The following ZNF444 variants were observed in gnomAD, a reference collection of about 807,000 sequenced individuals.
ZNF444 encodes zinc finger protein 444, also known as endothelial zinc finger protein 2.
In ZNF444, 8 loss-of-function variants were observed where a neutral mutation model predicts 14.4. The observed-to-expected ratio is 0.56, with a 90% CI of 0.33 to 1.00. The LOEUF is 1.00. Ranked by LOEUF, ZNF444 falls within the 50% of genes least tolerant of loss-of-function variation. The probability of loss-of-function intolerance (pLI) is 0.03; values close to 1 mark genes in which losing one functional copy is unlikely to be tolerated. For synonymous variants in ZNF444, 258 were observed against 235.9 expected (o/e 1.09, Z -0.86); for missense variants, 510 against 504.8 (o/e 1.01, Z -0.10).
At chr19:56,139,341 T>C (rs112572899), upstream of ZNF444, among the ~76,000 whole-genome samples, 1 of 152,058 alleles carries the variant, frequency 6.6e-6, no homozygotes, top group Non-Finnish European at 1.5e-5. Context: ...TGCATCTATT[T>C]TGAAGACAGA....
At chr19:56,159,015 C>T (rs1367844184) in intron 4 of ZNF444, among the ~76,000 whole-genome samples, 1 of 151,814 alleles carries the variant, frequency 6.6e-6, no homozygotes, top group Non-Finnish European at 1.5e-5. Context: ...TACTCATCCA[C>T]CCATGCACCC....
intron 3 of ZNF444, among the ~76,000 whole-genome samples, chr19:56,148,732 C>A (rs1050997156): frequency 6.6e-6 from 1 of 151,952 alleles, no homozygotes; most frequent in Non-Finnish European, 1.5e-5. Context: ...ACAAACGCAG[C>A]GGCTTACAAA....
At chr19:56,142,702 G>A (rs2030912175) in intron 1 of ZNF444, among the ~76,000 whole-genome samples, 1 of 152,188 alleles carries the variant, frequency 6.6e-6, no homozygotes, top group Admixed American at 6.5e-5. Flanking sequence ...GCTCTTGTTA[G>A]TCCTGTGTCT....
chr19:56,147,231 C>T lies in ZNF444; in HGVS notation c.297+23C>T, dbSNP rs2031250593. 3 of 1,404,550 alleles carry T rather than the reference C, an allele frequency of 2.1e-6. No homozygotes were observed. Among genetic ancestry groups the T allele is most frequent in the East Asian group, 2.9e-5 (1 of 34,002 alleles). 87.0% of individuals were successfully genotyped at this position (1,404,550 alleles called of 1,614,324 possible). On this transcript the variant is annotated intron_variant, in intron 3 of 4. Transcript: ENST00000337080. This position sits in a 1 kb window ranked among gnomAD's most constrained non-coding sequence, Gnocchi z 5.9. ...TGGGTGAGCCTGGCGGGACTGCAAG[C>T]GGGGAAGGGAGAGGGGAAGGTGCCA...
At position 56,160,249 on chromosome 19, in the gene ZNF444, C is replaced by T; in HGVS notation, c.*48C>T. 1.5e-6 allele frequency: 2 copies of T among 1,374,794 alleles called. No individual in the cohort carries two copies. Among genetic ancestry groups the T allele is most frequent in the African/African-American group, 1.5e-5 (1 of 65,066 alleles). The allele number at this position is 1,374,794 out of a possible 1,614,324, so 85.2% of individuals were successfully genotyped here. A position where few individuals can be genotyped will look rare whatever the true frequency, so the allele number is the denominator to read the frequency against. On this transcript the variant is annotated 3_prime_UTR_variant, in exon 5 of 5. Coordinates refer to ENST00000337080, the MANE Select transcript of ZNF444 (RefSeq NM_018337.4). Reference sequence around the variant, plus strand: ...TCCCGCCCTTGGTGCTGCCCCCGGGCGGTACCTGCTCTCTCCCAGCGCCAC... The same window carrying T: ...TCCCGCCCTTGGTGCTGCCCCCGGGTGGTACCTGCTCTCTCCCAGCGCCAC...
chr19:56,146,995 G>A lies in ZNF444; in HGVS notation c.84G>A (p.Leu28=). The A allele has an allele frequency of 6.9e-7, 1 of 1,443,268 alleles. No individual in the cohort carries two copies. Among genetic ancestry groups the A allele is most frequent in the Non-Finnish European group, 9.0e-7 (1 of 1,107,006 alleles). The allele number at this position is 1,443,268 out of a possible 1,614,324, so 89.4% of individuals were successfully genotyped here. A position where few individuals can be genotyped will look rare whatever the true frequency, so the allele number is the denominator to read the frequency against. Residue 28 remains leucine (L), a synonymous_variant, in exon 3 of 5, where the codon CTG becomes CTA. Coordinates refer to ENST00000337080, the MANE Select transcript of ZNF444 (RefSeq NM_018337.4). Reference sequence around the variant, plus strand: ...GGCACCGCTTCCGCCGCTTCCACCTGGGCGACGCGCCGGGCCCGCGGGAGG... The same window carrying A: ...GGCACCGCTTCCGCCGCTTCCACCTAGGCGACGCGCCGGGCCCGCGGGAGG... ...SPWHRFRRFH[L]GDAPGPREAL...
In ZNF444 at chr19:56,145,491, C is replaced by A. The variant is rs1386221023; in HGVS notation, c.-196-756C>A. ...ATCCCAGCTACTTGGGAGGATGAGGCAGGAGAATCGCTTGACCCTGGGAGG... is the reference window on the plus strand; with the variant it reads ...ATCCCAGCTACTTGGGAGGATGAGGAAGGAGAATCGCTTGACCCTGGGAGG... On this transcript the variant is annotated intron_variant, in intron 1 of 4. Transcript: ENST00000337080. This position sits in a 1 kb window ranked among gnomAD's most constrained non-coding sequence, Gnocchi z 4.3. 6.6e-6 allele frequency among the ~76,000 whole-genome samples: 1 copy of A among 152,082 alleles called. No individual in the cohort carries two copies. Among genetic ancestry groups the A allele is most frequent in the Non-Finnish European group, 1.5e-5 (1 of 68,022 alleles).
At position 56,160,161 on chromosome 19, in the gene ZNF444, C is replaced by A. The variant is rs114090769; in HGVS notation, c.944C>A (p.Pro315Gln). Reference protein sequence around the residue: ...ASAQGAVAPGPDGGGPFPPWP... With the variant: ...ASAQGAVAPGQDGGGPFPPWP... ...GCGCAGGGGGCGGTAGCTCCGGGCC[C>A]GGATGGTGGAGGCCCCTTCCCGCCC... The change falls in exon 5 of 5, where the codon CCG becomes CAG. Residue 315 changes from proline (P) to glutamine (Q), a missense_variant. By Grantham distance (76) the Pro-to-Gln change is moderately conservative. Transcript: ENST00000337080. 6.2e-4 allele frequency: 917 copies of A among 1,480,670 alleles called. 4 individuals carry two copies. In the African/African-American group the frequency reaches 0.013, roughly 20 times the overall value. The allele number at this position is 1,480,670 out of a possible 1,614,324, so 91.7% of individuals were successfully genotyped here. A position where few individuals can be genotyped will look rare whatever the true frequency, so the allele number is the denominator to read the frequency against.
intron 1 of ZNF444, among the ~76,000 whole-genome samples, chr19:56,133,885 G>A (rs886241897): frequency 6.6e-6 from 1 of 151,568 alleles, no homozygotes; most frequent in Non-Finnish European, 1.5e-5. Flanking sequence ...GGGGAAGTCA[G>A]ATAATGGGCA....
chr19:56,160,296 T>TCC lies in ZNF444; in HGVS notation c.*97_*98dup. ...CCACTTGGCCTCTTCCTCTCCTCCT[T>TCC]CCCTCCCATCGTCCTCCTCCACCTG... On this transcript the variant is annotated 3_prime_UTR_variant, in exon 5 of 5. Transcript: ENST00000337080. The TCC allele has an allele frequency of 9.8e-7, 1 of 1,020,000 alleles. No individual in the cohort carries two copies. The highest frequency in any genetic ancestry group is 1.3e-6 in the Non-Finnish European group (1 of 754,052). 63.2% of individuals were successfully genotyped at this position (1,020,000 alleles called of 1,614,324 possible). A position where few individuals can be genotyped will look rare whatever the true frequency, so the allele number is the denominator to read the frequency against.
intron 3 of ZNF444, chr19:56,157,001 C>T (rs2031949508): frequency 6.6e-6 from 1 of 152,296 alleles, no homozygotes; most frequent in Admixed American, 6.5e-5. Context: ...GCTTCCCAGG[C>T]TCCACTCTCA....
chr19:56,137,537 G>A (rs143419693), upstream of ZNF444, among the ~76,000 whole-genome samples: 815 of 152,282 alleles, frequency 5.4e-3, 13 homozygotes, highest in Admixed American at 0.024. Flanking sequence ...AGAAGGAAAC[G>A]GTGTTGGATC....
rs1442300587 is a variant in ZNF444, at chr19:56,158,267, A to G, written c.298-227A>G. ...ACAGTGCAGTGTTGGCCAGGCTGTC[A>G]TCTGAAGGTTGGTGGCTTCAAGATG... is the stretch of plus-strand genomic sequence containing the variant. On this transcript the variant is annotated intron_variant, in intron 3 of 4. Transcript: ENST00000337080. 8 of 466,914 alleles carry G rather than the reference A, an allele frequency of 1.7e-5. No individual in the cohort carries two copies. In the South Asian group the frequency reaches 2.2e-4, roughly 13 times the overall value. The allele number at this position is 466,914 out of a possible 1,614,324, so 28.9% of individuals were successfully genotyped here.
At position 56,142,968 on chromosome 19, in the gene ZNF444, C is replaced by T. The variant is rs528300957; in HGVS notation, c.-197+1611C>T. ...CTATGGTAAGAGGGGACCCATCTCCCCAGCTCACAGGTCTGTTGGGAAGGT... is the reference window on the plus strand; with the variant it reads ...CTATGGTAAGAGGGGACCCATCTCCTCAGCTCACAGGTCTGTTGGGAAGGT... On this transcript the variant is annotated intron_variant, in intron 1 of 4. Transcript: ENST00000337080. 3.9e-5 allele frequency among the ~76,000 whole-genome samples: 6 copies of T among 152,268 alleles called. No homozygotes were observed. In the South Asian group the frequency reaches 1.2e-3, roughly 32 times the overall value.
rs1051979131 is a variant in ZNF444, at chr19:56,145,544, C to T, written c.-196-703C>T. Reference sequence around the variant, plus strand: ...GAGGTTGCAGTGAACCAAGATCGCACCATTGCACTCCATCCTGGGCAACAG... The same window carrying T: ...GAGGTTGCAGTGAACCAAGATCGCATCATTGCACTCCATCCTGGGCAACAG... On this transcript the variant is annotated intron_variant, in intron 1 of 4. Coordinates refer to ENST00000337080, the MANE Select transcript of ZNF444 (RefSeq NM_018337.4). The surrounding 1 kb of genome is among the most constrained non-coding windows in gnomAD (Gnocchi z 4.3). Among the ~76,000 whole-genome samples, 1 of 152,034 alleles carries T rather than the reference C, an allele frequency of 6.6e-6. No individual in the cohort carries two copies. The highest frequency in any genetic ancestry group is 1.5e-5 in the Non-Finnish European group (1 of 68,016).
chr19:56,152,900 G>A (rs772960443), intron 3 of ZNF444, among the ~76,000 whole-genome samples: 1 of 152,146 alleles, frequency 6.6e-6, no homozygotes, highest in Non-Finnish European at 1.5e-5. Flanking sequence ...TACCTTCAGG[G>A]TTAGGATTTC....
upstream of ZNF444, among the ~76,000 whole-genome samples, chr19:56,136,691 T>C (rs1314998805): frequency 6.6e-6 from 1 of 152,152 alleles, no homozygotes; most frequent in Non-Finnish European, 1.5e-5. Context: ...GAGTGCGCCT[T>C]TGCATCCCCT....
intron 4 of ZNF444, 127 bp from the exon 5 acceptor site, chr19:56,159,497 G>C (rs1191589287): frequency 5.0e-6 from 4 of 807,190 alleles, no homozygotes; most frequent in African/African-American, 3.6e-5. Flanking sequence ...GAAGCCCACA[G>C]CCCAGCCCTC....
rs113509311 is a variant in ZNF444, at chr19:56,147,594, A to G, written c.297+386A>G. 6.0e-3 allele frequency among the ~76,000 whole-genome samples: 915 copies of G among 152,260 alleles called. 14 individuals are homozygous for G. Among genetic ancestry groups the G allele is most frequent in the African/African-American group, 0.021 (862 of 41,538 alleles). Reference sequence around the variant, plus strand: ...CCGCACGCAGGGGGTCTTGCCGGCCAGGAATTCTCCTCAGACCGTGGTGTC... The same window carrying G: ...CCGCACGCAGGGGGTCTTGCCGGCCGGGAATTCTCCTCAGACCGTGGTGTC... On this transcript the variant is annotated intron_variant, in intron 3 of 4. Transcript: ENST00000337080. This position sits in a 1 kb window ranked among gnomAD's most constrained non-coding sequence, Gnocchi z 5.9.
Sources: allele counts gnomAD v4.1 joint callset (sites outside exome capture counted in the v4.1 genomes callset), GRCh38; gene constraint gnomAD v4.1.1; non-coding constraint Gnocchi (gnomAD v3.1); transcripts MANE v1.5; gene names NCBI Gene and HGNC (gene_info 2026-07-23, HGNC 2026-07-21).